TCEA1: variants seen among roughly 807,000 people sequenced by gnomAD.
TCEA1 encodes transcription elongation factor A protein 1.
TCEA1 carries 21 observed loss-of-function variants against 43.8 expected under a neutral mutation model. The observed-to-expected ratio is 0.48, with a 90% CI of 0.34 to 0.69. TCEA1 has a LOEUF of 0.69. Ranked by LOEUF, TCEA1 falls within the 30% of genes least tolerant of loss-of-function variation. The pLI, the probability that TCEA1 is intolerant of heterozygous loss-of-function variation, is 0.01. For synonymous variants in TCEA1, 104 were observed against 117.5 expected (o/e 0.88, Z 0.75); for missense variants, 250 against 365.1 (o/e 0.68, Z 2.57).
chr8:54,018,987 G>C, intron 1 of TCEA1, among the ~76,000 whole-genome samples: 1 of 152,140 alleles, frequency 6.6e-6, no homozygotes, highest in East Asian at 1.9e-4. Flanking sequence ...TTTGGCTTAA[G>C]ACTATTCTAA....
intron 2 of TCEA1, 122 bp downstream of exon 2, chr8:54,010,308 T>A (rs1188249008): frequency 9.8e-6 from 7 of 713,036 alleles, no homozygotes; most frequent in Admixed American, 3.5e-5. Context: ...TAAAAAAAAA[T>A]AGCAGTTAGT....
intron 2 of TCEA1, among the ~76,000 whole-genome samples, chr8:54,004,052 G>A (rs1804362216): frequency 6.6e-6 from 1 of 152,002 alleles, no homozygotes; most frequent in Non-Finnish European, 1.5e-5. Context: ...AACATCCTTA[G>A]ACATTATGGA....
intron 5 of TCEA1, 35 bp downstream of exon 5, chr8:53,988,079 C>T (rs1160027734): frequency 2.5e-6 from 4 of 1,600,236 alleles, no homozygotes. Context: ...TGGGTGGTGA[C>T]CAAAGGACTG....
intron 2 of TCEA1, among the ~76,000 whole-genome samples, chr8:54,003,602 A>G (rs1209171443): frequency 6.6e-6 from 1 of 152,222 alleles, no homozygotes; most frequent in African/African-American, 2.4e-5. Context: ...AGAAAAGAAT[A>G]TTCTTTTTAA....
At chr8:54,010,621 C>A (rs767065494) in intron 1 of TCEA1, 129 bp from the exon 2 acceptor site, 16 of 629,402 alleles carry the variant, frequency 2.5e-5, no homozygotes, top group Non-Finnish European at 4.3e-5. Context: ...AGCAACAGCA[C>A]CACCTATAGC....
At chr8:53,988,296 A>G (rs1478520957) in intron 4 of TCEA1, 37 bp from the exon 5 acceptor site, 1 of 1,596,114 alleles carries the variant, frequency 6.3e-7, no homozygotes, top group Admixed American at 1.7e-5. Context: ...AGAAATCAAG[A>G]ACAATCCTTT....
At chr8:53,991,316 C>T (rs551708036) in intron 4 of TCEA1, among the ~76,000 whole-genome samples, 248 of 151,616 alleles carry the variant, frequency 1.6e-3, no homozygotes, top group African/African-American at 5.8e-3. Flanking sequence ...TCGCTTGAAC[C>T]TGGGGGACAG....
chr8:54,003,288 C>T (rs1295376134), intron 2 of TCEA1, among the ~76,000 whole-genome samples: 4 of 152,168 alleles, frequency 2.6e-5, no homozygotes, highest in Admixed American at 2.0e-4. Flanking sequence ...GACTGCAATA[C>T]TAATCAAGTC....
chr8:53,996,425 T>C (rs118189232), intron 3 of TCEA1, among the ~76,000 whole-genome samples: 1 of 152,352 alleles, frequency 6.6e-6, no homozygotes, highest in Non-Finnish European at 1.5e-5. Context: ...TAATAGCACC[T>C]ACCAAATTGG....
At chr8:53,972,130 C>A (rs1192429865) in intron 8 of TCEA1, 3 of 290,206 alleles carry the variant, frequency 1.0e-5, no homozygotes, top group Non-Finnish European at 2.0e-5. Flanking sequence ...TCCATAACGG[C>A]AAGTGGCAGT....
intron 1 of TCEA1, 93 bp from the exon 2 acceptor site, chr8:54,010,585 C>A: frequency 2.0e-6 from 2 of 980,364 alleles, no homozygotes; most frequent in Non-Finnish European, 3.0e-6. Context: ...CAGAAAACAG[C>A]TAAAGAGGAA....
At chr8:53,991,274 TC>T (rs1270464275) in intron 4 of TCEA1, among the ~76,000 whole-genome samples, 6 of 151,376 alleles carry the variant, frequency 4.0e-5, no homozygotes, top group African/African-American at 1.5e-4. Flanking sequence ...GCACCTCTAA[TC>T]CCAGCTACTC....
At chr8:53,977,533 C>T (rs1259134616) in intron 8 of TCEA1, among the ~76,000 whole-genome samples, 2 of 152,106 alleles carry the variant, frequency 1.3e-5, no homozygotes, top group African/African-American at 4.8e-5. Context: ...GTAAAGGCCC[C>T]TTTAGAGTTT....
At chr8:53,973,812 G>A in intron 8 of TCEA1, 1 of 406,334 alleles carries the variant, frequency 2.5e-6, no homozygotes, top group Non-Finnish European at 4.7e-6. Context: ...AACAAAAGCT[G>A]TGGAAAAAAC....
At chr8:54,002,714 G>A (rs888050845) in intron 2 of TCEA1, among the ~76,000 whole-genome samples, 1 of 152,136 alleles carries the variant, frequency 6.6e-6, no homozygotes, top group African/African-American at 2.4e-5. Context: ...TAGGTTATAC[G>A]AAAGTATTCT....
chr8:54,016,337 G>C (rs929767315), intron 1 of TCEA1, among the ~76,000 whole-genome samples: 5 of 152,154 alleles, frequency 3.3e-5, no homozygotes, highest in Non-Finnish European at 7.4e-5. Context: ...CGGGCATGGT[G>C]CTGGGTGCCT....
At chr8:53,997,779 A>C (rs567802177) in intron 3 of TCEA1, among the ~76,000 whole-genome samples, 1 of 152,278 alleles carries the variant, frequency 6.6e-6, no homozygotes, top group South Asian at 2.1e-4. Flanking sequence ...GATGCTTGCA[A>C]TTCCAGCTAC....
intron 3 of TCEA1, 132 bp downstream of exon 3, chr8:53,999,813 G>A (rs546201415): frequency 3.9e-5 from 25 of 640,140 alleles, no homozygotes; most frequent in South Asian, 1.6e-4. Context: ...CCTTTATTAC[G>A]AGGCACTGCT....
chr8:54,012,242 C>T (rs1804673833), intron 1 of TCEA1, among the ~76,000 whole-genome samples: 1 of 152,198 alleles, frequency 6.6e-6, no homozygotes, highest in African/African-American at 2.4e-5. Context: ...CTCTATGCCA[C>T]GTAATGTGAC....
Sources: allele counts gnomAD v4.1 joint callset (sites outside exome capture counted in the v4.1 genomes callset), GRCh38; gene constraint gnomAD v4.1.1; transcripts MANE v1.5; gene names NCBI Gene and HGNC (gene_info 2026-07-23, HGNC 2026-07-21).